CDH2: variants seen among roughly 807,000 people sequenced by gnomAD.
CDH2 encodes the protein cadherin-2.
In CDH2, 17 loss-of-function variants were observed where a neutral mutation model predicts 92.0. The observed-to-expected ratio is 0.18, with a 90% CI of 0.13 to 0.28. CDH2 has a LOEUF of 0.28. Among genes scored for constraint, CDH2 ranks in the 10% least tolerant of loss-of-function variants. The probability of loss-of-function intolerance (pLI) is 1.00; values close to 1 mark genes in which losing one functional copy is unlikely to be tolerated. For synonymous variants in CDH2, 419 were observed against 415.9 expected (o/e 1.01, Z -0.09); for missense variants, 862 against 1,133.1 (o/e 0.76, Z 3.44).
At chr18:28,017,182 T>C (rs1035316709) in intron 2 of CDH2, among the ~76,000 whole-genome samples, 1 of 152,180 alleles carries the variant, frequency 6.6e-6, no homozygotes, top group Non-Finnish European at 1.5e-5. Context: ...ATAGTGTCAA[T>C]AGGGTTGGTA....
intron 1 of CDH2, among the ~76,000 whole-genome samples, chr18:28,158,603 C>T (rs1017963362): frequency 6.6e-6 from 1 of 152,208 alleles, no homozygotes; most frequent in African/African-American, 2.4e-5. Flanking sequence ...CCCTGAATGG[C>T]AATTCTTAAA....
chr18:27,953,497 C>CCTAT (rs558439547), intron 15 of CDH2, among the ~76,000 whole-genome samples: 1 of 152,254 alleles, frequency 6.6e-6, no homozygotes, highest in African/African-American at 2.4e-5. Flanking sequence ...TATGGCCTCA[C>CCTAT]CTATCTAAGA....
Position 27,952,663 on chromosome 18 carries a change from C to T in CDH2, c.2515-304G>A, listed in dbSNP as rs201662808. ...GGACAGGTGGCAGAAATGAATGGCC[C>T]TGCTTGAGGCAGAGAAGAAAGGATC... On this transcript the variant is annotated intron_variant, in intron 15 of 15. Transcript: ENST00000269141. 6.6e-5 allele frequency among the ~76,000 whole-genome samples: 10 copies of T among 152,076 alleles called. No individual in the cohort carries two copies. The East Asian group carries it at 1.9e-3, about 29-fold the overall frequency.
intron 14 of CDH2, among the ~76,000 whole-genome samples, chr18:27,968,731 T>G (rs1331327723): frequency 2.6e-5 from 4 of 152,164 alleles, no homozygotes; most frequent in Non-Finnish European, 4.4e-5. Flanking sequence ...GCAAATGACT[T>G]TAAAATCCCC....
rs767801631 is a variant in CDH2 at position 27,988,549 on chromosome 18, A to G, written c.1716T>C (p.Asn572=). The change falls in exon 11 of 16, where the codon AAT becomes AAC. Residue 572 remains asparagine, a synonymous_variant. Coordinates refer to ENST00000269141, the MANE Select transcript of CDH2 (RefSeq NM_001792.5). ...ESPNVKNNIY[N]ATFLASDNGI... Reference sequence around the variant, plus strand: ...CATTGTCAGAAGCAAGGAAAGTAGCATTATATATATTGTTTTTCACATTTG... The same window carrying G: ...CATTGTCAGAAGCAAGGAAAGTAGCGTTATATATATTGTTTTTCACATTTG... The G allele has an allele frequency of 1.9e-6, 3 of 1,613,200 alleles. No individual in the cohort carries two copies. Among genetic ancestry groups the G allele is most frequent in the African/African-American group, 2.7e-5 (2 of 74,918 alleles).
At chr18:28,105,576 A>T (rs1219372554) in intron 2 of CDH2, among the ~76,000 whole-genome samples, 2 of 152,312 alleles carry the variant, frequency 1.3e-5, no homozygotes, top group African/African-American at 4.8e-5. Context: ...CATAAATTAA[A>T]AAATTATTAT....
intron 2 of CDH2, among the ~76,000 whole-genome samples, chr18:28,106,787 C>T (rs1441684556): frequency 6.6e-6 from 1 of 152,134 alleles, no homozygotes; most frequent in East Asian, 1.9e-4. Flanking sequence ...TTTATAATTT[C>T]AGTTTAGCAT....
chr18:28,145,604 T>C (rs1318418152), intron 2 of CDH2, among the ~76,000 whole-genome samples: 4 of 152,054 alleles, frequency 2.6e-5, no homozygotes, highest in African/African-American at 4.8e-5. Flanking sequence ...TTATCCTAAG[T>C]AGCAATTCTC....
chr18:27,990,070 A>AAAAAC, intron 10 of CDH2, 27 bp downstream of exon 10: 1 of 1,605,796 alleles, frequency 6.2e-7, no homozygotes, highest in Non-Finnish European at 8.5e-7. Flanking sequence ...AGTAAGCTAC[A>AAAAAC]AAAACACTAC....
chr18:27,938,726 T>C (rs1260506458), intron 6 of CDH2, among the ~76,000 whole-genome samples: 1 of 152,128 alleles, frequency 6.6e-6, no homozygotes, highest in East Asian at 1.9e-4. Flanking sequence ...TTTTTTTAAA[T>C]CACCTCACCA....
intron 14 of CDH2, among the ~76,000 whole-genome samples, chr18:27,975,708 G>GCAAGAGGT (rs1471039758): frequency 1.3e-5 from 2 of 152,220 alleles, no homozygotes; most frequent in Non-Finnish European, 2.9e-5. Context: ...GCCAGTGTGG[G>GCAAGAGGT]CAAGAGGTCC....
intron 2 of CDH2, among the ~76,000 whole-genome samples, chr18:28,087,618 C>T (rs2014958079): frequency 1.3e-5 from 2 of 152,070 alleles, no homozygotes; most frequent in African/African-American, 4.8e-5. Context: ...TGTCTCCACA[C>T]TTCAAAATCC....
At chr18:28,156,572 A>G (rs112022020) in intron 1 of CDH2, among the ~76,000 whole-genome samples, 3 of 129,850 alleles carry the variant, frequency 2.3e-5, no homozygotes, top group Admixed American at 7.5e-5. Flanking sequence ...CTTCCCAGGT[A>G]CAGAATGTCA....
chr18:28,025,389 A>G (rs979139842), intron 2 of CDH2, among the ~76,000 whole-genome samples: 3 of 151,826 alleles, frequency 2.0e-5, no homozygotes, highest in Admixed American at 2.0e-4. Flanking sequence ...GTGGCGGTGT[A>G]CACCTGTAGT....
At chr18:28,012,017 C>T (rs199683507) in intron 3 of CDH2, 25 bp from the exon 4 acceptor site, 1 of 1,601,052 alleles carries the variant, frequency 6.2e-7, no homozygotes, top group Admixed American at 1.7e-5. Flanking sequence ...AGAAGACATT[C>T]CTGAGTACTA....
intron 2 of CDH2, among the ~76,000 whole-genome samples, chr18:28,016,317 C>T (rs1477547530): frequency 6.6e-6 from 1 of 152,104 alleles, no homozygotes; most frequent in African/African-American, 2.4e-5. Flanking sequence ...TTGATGGTCA[C>T]AGGAACAGTA....
chr18:28,090,931 A>G (rs2015025232), intron 2 of CDH2, among the ~76,000 whole-genome samples: 1 of 152,180 alleles, frequency 6.6e-6, no homozygotes, highest in African/African-American at 2.4e-5. Flanking sequence ...TTAAATTTCT[A>G]TATCCAATAG....
chr18:28,013,747 T>C lies in CDH2; in HGVS notation c.335A>G (p.Gln112Arg), dbSNP rs368957587. The change falls in exon 3 of 16, where the codon CAG becomes CGG. Residue 112 changes from glutamine (Q) to arginine (R), a missense_variant. By Grantham distance (43) the Gln-to-Arg change is conservative. Coordinates refer to ENST00000269141, the MANE Select transcript of CDH2 (RefSeq NM_001792.5). ...FLIYAQDKET[Q>R]EKWQVAVKLS... The stretch of plus-strand genomic sequence containing the variant: ...TTTTACTGCCACTTGCCACTTTTCC[T>C]GGGTCTCTTTGTCTTGGGCATATAT... The C allele has an allele frequency of 2.5e-6, 4 of 1,613,950 alleles. No homozygotes were observed. The African/African-American group carries it at 5.3e-5, about 22-fold the overall frequency.
At chr18:28,029,819 C>T (rs1035708195) in intron 2 of CDH2, among the ~76,000 whole-genome samples, 1 of 152,064 alleles carries the variant, frequency 6.6e-6, no homozygotes, top group Non-Finnish European at 1.5e-5. Flanking sequence ...TGCTGCTACA[C>T]ACTCTTAGTC....
Sources: allele counts gnomAD v4.1 joint callset (sites outside exome capture counted in the v4.1 genomes callset), GRCh38; gene constraint gnomAD v4.1.1; transcripts MANE v1.5; gene names NCBI Gene and HGNC (gene_info 2026-07-23, HGNC 2026-07-21).